The following LIMS2 variants were observed in gnomAD, a reference collection of about 807,000 sequenced individuals.
LIMS2 encodes the protein LIM zinc finger domain containing 2, also known as LIM and senescent cell antigen-like-containing domain protein 2.
A neutral mutation model predicts 45.3 loss-of-function variants in LIMS2; 30 were observed. That is an observed-to-expected ratio of 0.66 (90% CI 0.50 to 0.90). LIMS2 has a LOEUF of 0.90. Ranked by LOEUF, LIMS2 falls within the 40% of genes least tolerant of loss-of-function variation. LIMS2 has a pLI of 0.00. For missense variants in LIMS2, 485 were observed against 468.7 expected, an observed-to-expected ratio of 1.03 and a Z score of -0.32; for synonymous variants, 173 against 188.0, an observed-to-expected ratio of 0.92 and a Z score of 0.65.
intron 1 of LIMS2, among the ~76,000 whole-genome samples, chr2:127,659,415 C>T (rs1684471676): frequency 6.6e-6 from 1 of 152,320 alleles, no homozygotes. Flanking sequence ...TCAGTGCTCC[C>T]AGCTCCCTGC....
intron 1 of LIMS2, among the ~76,000 whole-genome samples, chr2:127,673,328 T>C (rs569719298): frequency 1.3e-5 from 2 of 152,354 alleles, no homozygotes; most frequent in African/African-American, 4.8e-5. Flanking sequence ...TTTCTCCTTA[T>C]TCTCTAAGAC....
At chr2:127,660,331 C>A (rs1299725929) in intron 1 of LIMS2, among the ~76,000 whole-genome samples, 2 of 152,154 alleles carry the variant, frequency 1.3e-5, no homozygotes, top group African/African-American at 2.4e-5. Flanking sequence ...GGTTCCTTTG[C>A]TTGGTGTGGA....
intron 4 of LIMS2, chr2:127,651,344 C>T (rs1347805205): frequency 6.2e-7 from 1 of 1,611,730 alleles, no homozygotes; most frequent in Admixed American, 1.7e-5. Context: ...CCTTCACCTT[C>T]CCGTTCATCA....
chr2:127,646,212 C>T (rs1000636411), intron 4 of LIMS2: 4 of 152,284 alleles, frequency 2.6e-5, no homozygotes, highest in African/African-American at 9.7e-5. Flanking sequence ...CCCCGCAGAC[C>T]CCTGTCCCTT....
rs1349209364 is a variant in LIMS2, at chr2:127,651,378, A to C, written c.359+3046T>G. 3 of 1,612,740 alleles carry C rather than the reference A, an allele frequency of 1.9e-6. No homozygotes were observed. In the South Asian group the frequency reaches 3.3e-5, roughly 18 times the overall value. The stretch of plus-strand genomic sequence containing the variant: ...CACCACGGTCACCTGCTACCTGCTG[A>C]TCATCCGCAGCCTGCGGCAGGGCCT... On this transcript the variant is annotated intron_variant, in intron 4 of 9. Transcript: ENST00000355119.
At chr2:127,661,316 G>A (rs1008395734) in intron 1 of LIMS2, among the ~76,000 whole-genome samples, 1 of 152,208 alleles carries the variant, frequency 6.6e-6, no homozygotes, top group Non-Finnish European at 1.5e-5. Context: ...TGAATGAATG[G>A]CACCCACGTG....
chr2:127,665,071 A>G (rs1684934658), intron 1 of LIMS2, among the ~76,000 whole-genome samples: 1 of 152,168 alleles, frequency 6.6e-6, no homozygotes, highest in Admixed American at 6.5e-5. Context: ...GGCAACCACC[A>G]GGAAGGCACC....
At chr2:127,655,271 C>A (rs775745776) in intron 2 of LIMS2, 4 of 311,404 alleles carry the variant, frequency 1.3e-5, no homozygotes, top group Non-Finnish European at 2.5e-5. Context: ...TTTCGTATAC[C>A]TTCTCTGTGG....
intron 4 of LIMS2, chr2:127,651,622 T>G: frequency 6.2e-7 from 1 of 1,613,576 alleles, no homozygotes; most frequent in Non-Finnish European, 8.5e-7. Context: ...GACCCCATCA[T>G]GTATTTCTTC....
intron 1 of LIMS2, among the ~76,000 whole-genome samples, chr2:127,659,347 A>C (rs1343195845): frequency 6.6e-6 from 1 of 152,232 alleles, no homozygotes; most frequent in Non-Finnish European, 1.5e-5. Flanking sequence ...AGATGGTGGC[A>C]ACAGGAGTTG....
intron 6 of LIMS2, chr2:127,641,629 C>T (rs757063730): frequency 8.7e-5 from 14 of 161,592 alleles, no homozygotes; most frequent in Non-Finnish European, 1.7e-4. Flanking sequence ...TGAGAGCCCA[C>T]CACCCGGTGG....
At chr2:127,673,183 C>T (rs997286993) in intron 1 of LIMS2, among the ~76,000 whole-genome samples, 8 of 152,202 alleles carry the variant, frequency 5.3e-5, no homozygotes, top group Non-Finnish European at 1.2e-4. Flanking sequence ...ACTCAGATCG[C>T]TCACAGCTGC....
chr2:127,643,376 C>T (rs557823324), intron 4 of LIMS2: 15 of 507,228 alleles, frequency 3.0e-5, no homozygotes, highest in South Asian at 2.2e-4. Context: ...ATACAGTAGA[C>T]ATTTAATTGA....
chr2:127,651,228 C>T, intron 4 of LIMS2: 1 of 1,607,984 alleles, frequency 6.2e-7, no homozygotes, highest in Non-Finnish European at 8.5e-7. Flanking sequence ...GGCCATGGCC[C>T]CGCTGCTGGT....
intron 4 of LIMS2, among the ~76,000 whole-genome samples, chr2:127,646,848 C>CA (rs1683043207): frequency 6.6e-6 from 1 of 152,262 alleles, no homozygotes; most frequent in African/African-American, 2.4e-5. Flanking sequence ...TAAAGGGCAA[C>CA]AGAGAGTGAA....
At chr2:127,680,748 T>C (rs1042302316) in intron 1 of LIMS2, among the ~76,000 whole-genome samples, 1 of 152,224 alleles carries the variant, frequency 6.6e-6, no homozygotes, top group Non-Finnish European at 1.5e-5. Flanking sequence ...AAAGATGACC[T>C]GGCCTTGGAG....
At chr2:127,649,999 C>A in intron 4 of LIMS2, 3 of 1,603,598 alleles carry the variant, frequency 1.9e-6, no homozygotes, top group Non-Finnish European at 1.7e-6. Flanking sequence ...CACAGGTCTC[C>A]CCACCTGTCA....
chr2:127,650,383 C>T (rs906045170), intron 4 of LIMS2: 8 of 532,796 alleles, frequency 1.5e-5, no homozygotes, highest in Non-Finnish European at 2.3e-5. Context: ...GAGCCTCACC[C>T]AGGCAAGGCT....
At chr2:127,650,829 ATGC>A in intron 4 of LIMS2, 1 of 1,614,052 alleles carries the variant, frequency 6.2e-7, no homozygotes, top group African/African-American at 1.3e-5. Context: ...ACTGGAGAAC[ATGC>A]TGTTCGCCTC....
Sources: gnomAD v4.1 joint callset for allele counts (sites outside exome capture counted in the v4.1 genomes callset) on GRCh38, gnomAD v4.1.1 for gene constraint, MANE v1.5 for transcripts, NCBI Gene and HGNC (gene_info 2026-07-23, HGNC 2026-07-21) for gene names.